Variants in HOOK2 observed in about 807,000 individuals in gnomAD.
The protein encoded by HOOK2 is hook microtubule tethering protein 2, also known as protein Hook homolog 2.
Under a neutral mutation model 111.9 loss-of-function variants are expected in HOOK2, and 108 were observed. The observed-to-expected ratio is 0.96, with a 90% CI of 0.83 to 1.13. HOOK2 has a LOEUF of 1.13. HOOK2 is among the 50% of genes most tolerant of loss of function. The pLI, the probability that HOOK2 is intolerant of heterozygous loss-of-function variation, is 0.00. For synonymous variants in HOOK2, 405 were observed against 394.3 expected, an observed-to-expected ratio of 1.03 and a Z score of -0.32; for missense variants, 978 against 951.3, an observed-to-expected ratio of 1.03 and a Z score of -0.37.
In HOOK2 at chr19:12,771,274, C is replaced by A; in HGVS notation, c.646G>T (p.Ala216Ser). The change falls in exon 9 of 23, where the codon GCA (alanine) becomes TCA (serine). Residue 216 changes from alanine to serine, a missense_variant. Around this residue, in one of 5 missense-constraint regions of HOOK2, gnomAD observed 301 missense variants for 286.1 expected, o/e 1.05. Coordinates refer to ENST00000397668, the MANE Select transcript of HOOK2 (RefSeq NM_013312.3). ...EEKQSLAQEN[A>S]GLRERMGRPE... ...CGGCCCATCCGCTCCCGCAGCCCTG[C>A]ATTCTCTTGCGCCAGGCTCTGCTTC... 2 of 1,604,558 alleles carry A rather than the reference C, an allele frequency of 1.2e-6. No individual in the cohort carries two copies. The highest frequency in any genetic ancestry group is 1.7e-6 in the Non-Finnish European group (2 of 1,175,246).
At chr19:12,788,934 G>A (rs1968680003) in intron 3 of HOOK2, among the ~76,000 whole-genome samples, 1 of 151,872 alleles carries the variant, frequency 6.6e-6, no homozygotes, top group Non-Finnish European at 1.5e-5. Flanking sequence ...CTCCAAGGAC[G>A]GGACGCCCCC....
chr19:12,791,500 G>C lies in HOOK2; in HGVS notation n.42-17275C>G. The C allele has an allele frequency of 2.5e-6, 1 of 405,802 alleles. No homozygotes were observed. The highest frequency in any genetic ancestry group is 4.4e-6 in the Non-Finnish European group (1 of 226,876). 25.1% of individuals were successfully genotyped at this position (405,802 alleles called of 1,614,324 possible). A position where few individuals can be genotyped will look rare whatever the true frequency, so the allele number is the denominator to read the frequency against. On this transcript the variant is annotated intron_variant and non_coding_transcript_variant, in intron 3 of 3. Transcript: ENST00000589765. The surrounding 1 kb of genome is among the most constrained non-coding windows in gnomAD (Gnocchi z 7.0). ...GCTGAGCGGCTGGGACCTTGAGAGC[G>C]GCCAGGCCAGCCTCGGAGCCAGCAG...
chr19:12,781,768 A>G (rs776948915), upstream of HOOK2, among the ~76,000 whole-genome samples: 1 of 151,638 alleles, frequency 6.6e-6, no homozygotes, highest in African/African-American at 2.4e-5. Context: ...TGCCACCACA[A>G]TCACCATGGA....
chr19:12,787,429 G>A (rs1415855234), intron 3 of HOOK2, among the ~76,000 whole-genome samples: 1 of 152,064 alleles, frequency 6.6e-6, no homozygotes, highest in Admixed American at 6.6e-5. Context: ...TCAGGAGTTC[G>A]AGACCGGCTT....
chr19:12,772,151 A>G, intron 7 of HOOK2, 39 bp downstream of exon 7: 1 of 1,472,442 alleles, frequency 6.8e-7, no homozygotes, highest in East Asian at 2.3e-5. Flanking sequence ...GGATTTGCTG[A>G]TCCCTGTGCC....
At chr19:12,783,127 A>AC (rs1188187858), upstream of HOOK2, among the ~76,000 whole-genome samples, 4 of 148,184 alleles carry the variant, frequency 2.7e-5, no homozygotes, top group African/African-American at 1.0e-4. Context: ...CCCGTGACTC[A>AC]CCCCTCCCGG....
intron 13 of HOOK2, 129 bp from the exon 14 acceptor site, chr19:12,767,593 C>A: frequency 1.1e-6 from 1 of 919,638 alleles, no homozygotes; most frequent in South Asian, 1.5e-5. Context: ...CAAGCTCCAT[C>A]CCCGGCTTGA....
chr19:12,784,932 G>C (rs1288268627), intron 3 of HOOK2: 2 of 152,286 alleles, frequency 1.3e-5, no homozygotes, highest in African/African-American at 4.8e-5. Context: ...GATGCTCCCA[G>C]GGACACCAAG....
upstream of HOOK2, among the ~76,000 whole-genome samples, chr19:12,777,850 T>A (rs1968557185): frequency 6.6e-6 from 1 of 152,254 alleles, no homozygotes; most frequent in Non-Finnish European, 1.5e-5. Flanking sequence ...GGAATTATAG[T>A]TAACAATAAA....
In HOOK2 at chr19:12,791,735, C is replaced by G; in HGVS notation, n.42-17510G>C. ...CGCTGCAGCGAGGCCCGGAGCGGCCCCGCAGGGACCCTCCCCAGACCGCCT... is the reference window on the plus strand; with the variant it reads ...CGCTGCAGCGAGGCCCGGAGCGGCCGCGCAGGGACCCTCCCCAGACCGCCT... On this transcript the variant is annotated intron_variant and non_coding_transcript_variant, in intron 3 of 3. Transcript: ENST00000589765. The surrounding 1 kb of genome is among the most constrained non-coding windows in gnomAD (Gnocchi z 7.0). The G allele has an allele frequency of 6.6e-7, 1 of 1,504,326 alleles. No homozygotes were observed. Among genetic ancestry groups the G allele is most frequent in the Non-Finnish European group, 9.0e-7 (1 of 1,109,724 alleles). The allele number at this position is 1,504,326 out of a possible 1,614,324, so 93.2% of individuals were successfully genotyped here. A position where few individuals can be genotyped will look rare whatever the true frequency, so the allele number is the denominator to read the frequency against.
chr19:12,765,479 G>A (rs1968119219), intron 18 of HOOK2: 2 of 648,682 alleles, frequency 3.1e-6, no homozygotes, highest in Admixed American at 5.3e-5. Context: ...CAGGCGCGGT[G>A]GCTCATGCCT....
rs1968465934 is a variant in HOOK2 at position 12,775,288 on chromosome 19, A to G, written c.45+117T>C. 1.8e-5 allele frequency: 27 copies of G among 1,489,158 alleles called. No homozygotes were observed. The South Asian group carries it at 3.6e-4, about 20-fold the overall frequency. 92.2% of individuals were successfully genotyped at this position (1,489,158 alleles called of 1,614,324 possible). ...CGGGCCAGAGTCCAACGGTCCAGCA[A>G]GTCGACGACCCCGCACCTCCCAGCC... On this transcript the variant is annotated intron_variant, in intron 1 of 22. Transcript: ENST00000397668.
chr19:12,791,949 C>G lies in HOOK2; in HGVS notation n.42-17724G>C. ...AGCGCCTGGGGCTCGCGGACCCGGC[C>G]CAGAGGGCGGCGGTGGCGGCAGCTA... On this transcript the variant is annotated intron_variant and non_coding_transcript_variant, in intron 3 of 3. Transcript: ENST00000589765. This position sits in a 1 kb window ranked among gnomAD's most constrained non-coding sequence, Gnocchi z 7.0. 6.2e-7 allele frequency: 1 copy of G among 1,611,358 alleles called. No homozygotes were observed. The highest frequency in any genetic ancestry group is 8.5e-7 in the Non-Finnish European group (1 of 1,179,440).
intron 3 of HOOK2, chr19:12,792,122 C>G: frequency 6.3e-7 from 1 of 1,599,010 alleles, no homozygotes; most frequent in Non-Finnish European, 8.5e-7. Context: ...GGGGTGGCAG[C>G]GGTGGAGGTG....
chr19:12,770,842 T>C (rs1968303580), intron 10 of HOOK2, 90 bp downstream of exon 10: 1 of 1,478,702 alleles, frequency 6.8e-7, no homozygotes, highest in African/African-American at 1.4e-5. Flanking sequence ...CACATGAAAA[T>C]TACAGAGCTG....
chr19:12,780,237 C>G (rs933489353), upstream of HOOK2, among the ~76,000 whole-genome samples: 1 of 152,122 alleles, frequency 6.6e-6, no homozygotes, highest in Non-Finnish European at 1.5e-5. Flanking sequence ...TCTGTATGGT[C>G]CAGGCAGAGT....
Position 12,771,426 on chromosome 19 carries a change from G to A in HOOK2, c.571C>T (p.Gln191Ter). ...CGCTCCAGATCCAGACAGCGCTGCT[G>A]TAATTCGTCCCCCTCCTCAGCCTCC... ...SEEAEEGDEL[Q>*]QRCLDLERQL... The change falls in exon 8 of 23, where the codon CAG becomes TAG. Residue 191 changes from glutamine (Q) to a stop codon, truncating the protein, a stop_gained. Transcript: ENST00000397668. LOFTEE classifies it high-confidence loss of function. 6.2e-7 allele frequency: 1 copy of A among 1,613,726 alleles called. No homozygotes were observed. Among genetic ancestry groups the A allele is most frequent in the Non-Finnish European group, 8.5e-7 (1 of 1,179,846 alleles).
upstream of HOOK2, among the ~76,000 whole-genome samples, chr19:12,783,321 G>T (rs1331779682): frequency 1.2e-5 from 1 of 82,492 alleles, no homozygotes; most frequent in Non-Finnish European, 2.8e-5. Flanking sequence ...CCCCAACTCC[G>T]CCTCTGAATT....
intron 3 of HOOK2, among the ~76,000 whole-genome samples, chr19:12,788,995 C>G (rs1305817810): frequency 1.3e-5 from 2 of 152,206 alleles, no homozygotes; most frequent in African/African-American, 4.8e-5. Context: ...GCTGGACTTC[C>G]CCCTGCCCCC....
Sources: allele counts gnomAD v4.1 joint callset (sites outside exome capture counted in the v4.1 genomes callset), GRCh38; gene constraint gnomAD v4.1.1; regional missense constraint gnomAD v4.1.1; non-coding constraint Gnocchi (gnomAD v3.1); transcripts MANE v1.5; gene names NCBI Gene and HGNC (gene_info 2026-07-23, HGNC 2026-07-21).